NIPSNAP2: variants seen among roughly 807,000 people sequenced by gnomAD.
NIPSNAP2 encodes the protein nipsnap homolog 2.
In NIPSNAP2, 42 loss-of-function variants were observed where a neutral mutation model predicts 48.4. The ratio of observed to expected loss-of-function variants is 0.87; its 90% CI spans 0.68 to 1.12. The LOEUF is 1.12. Among genes scored for constraint, NIPSNAP2 ranks in the 50% most tolerant of loss-of-function variants. The pLI, the probability that NIPSNAP2 is intolerant of heterozygous loss-of-function variation, is 0.00. For missense variants in NIPSNAP2, 314 were observed against 347.3 expected (o/e 0.90, Z 0.76); for synonymous variants, 158 against 126.6 (o/e 1.25, Z -1.67).
In NIPSNAP2 at chr7:55,994,929, A is replaced by G; in HGVS notation, c.653A>G (p.Glu218Gly). Residue 218 changes from glutamate to glycine, a missense_variant, in exon 8 of 10, where the codon GAA becomes GGA. Glu to Gly is a moderately conservative substitution (Grantham distance 98). Transcript: ENST00000322090. ...RAIRFRQDGN[E>G]AVGGFFSQIG... ...ATCCGCTTCAGACAGGATGGTAACG[A>G]AGCCGTCGGAGGATTCTTCTCTCAG... The G allele has an allele frequency of 6.2e-7, 1 of 1,614,194 alleles. No homozygotes were observed. Among genetic ancestry groups the G allele is most frequent in the African/African-American group, 1.3e-5 (1 of 75,054 alleles).
chr7:55,995,125 G>T (rs148446589), intron 8 of NIPSNAP2, 137 bp downstream of exon 8: 4 of 704,740 alleles, frequency 5.7e-6, no homozygotes, highest in Non-Finnish European at 1.0e-5. Flanking sequence ...AGTCTGTACG[G>T]GGCTGTCTGG....
intron 3 of NIPSNAP2, chr7:55,979,821 A>G (rs1206420577): frequency 1.1e-5 from 5 of 456,522 alleles, no homozygotes; most frequent in South Asian, 6.2e-5. Context: ...GGTCCCAATA[A>G]TGGGATTCTG....
chr7:55,998,493 G>GTTTTTTTTTTTTTTTT (rs1164855630), intron 9 of NIPSNAP2, among the ~76,000 whole-genome samples: 9 of 63,196 alleles, frequency 1.4e-4, no homozygotes, highest in African/African-American at 4.6e-4. Flanking sequence ...GGTAGGATCT[G>GTTTTTTTTTTTTTTTT]TTTTTTTTTT....
At chr7:55,998,179 C>T (rs577285743) in intron 9 of NIPSNAP2, among the ~76,000 whole-genome samples, 10 of 151,734 alleles carry the variant, frequency 6.6e-5, no homozygotes, top group East Asian at 2.0e-4. Context: ...GCAGGAGAAT[C>T]GCTTGAACCT....
intron 1 of NIPSNAP2, among the ~76,000 whole-genome samples, chr7:55,976,630 A>G (rs1047850886): frequency 6.6e-6 from 1 of 152,232 alleles, no homozygotes; most frequent in African/African-American, 2.4e-5. Context: ...TTACACCTAT[A>G]ATCCCAGCAC....
In NIPSNAP2 at chr7:55,997,389, G is replaced by T; in HGVS notation, c.736G>T (p.Glu246Ter). 6.2e-7 allele frequency: 1 copy of T among 1,613,892 alleles called. No individual in the cohort carries two copies. Among genetic ancestry groups the T allele is most frequent in the Non-Finnish European group, 8.5e-7 (1 of 1,179,832 alleles). ...AGCTTACAGGGATCTTCAGACCAGG[G>T]AAGACATACGGAATGCAGCATGGCA... is the stretch of plus-strand genomic sequence containing the variant. ...LWAYRDLQTR[E>*]DIRNAAWHKH... The change falls in exon 9 of 10, where the codon GAA becomes TAA. Residue 246 changes from glutamate (E) to a stop codon, truncating the protein, a stop_gained. Transcript: ENST00000322090. LOFTEE classifies it high-confidence loss of function.
In NIPSNAP2 at chr7:55,994,983, T is replaced by C; in HGVS notation, c.707T>C (p.Leu236Pro). The C allele has an allele frequency of 1.9e-6, 3 of 1,613,620 alleles. No homozygotes were observed. Among genetic ancestry groups the C allele is most frequent in the Non-Finnish European group, 2.5e-6 (3 of 1,179,508 alleles). Residue 236 changes from leucine to proline, a missense_variant, in exon 8 of 10, where the codon CTT becomes CCT. Transcript: ENST00000322090. ...QIGQLYMVHH[L>P]WAYRDLQTRE... ...GGGCAGCTGTACATGGTGCACCATC[T>C]TTGGGGTATCTGTTTTTCCCTTTTC...
chr7:55,976,302 A>G (rs1234840717), intron 1 of NIPSNAP2, among the ~76,000 whole-genome samples: 1 of 152,164 alleles, frequency 6.6e-6, no homozygotes, highest in Admixed American at 6.5e-5. Flanking sequence ...ATATTTTCTG[A>G]CGGGGAGTAT....
chr7:55,974,260 A>AG (rs762414095), intron 1 of NIPSNAP2, among the ~76,000 whole-genome samples: 1 of 64,314 alleles, frequency 1.6e-5, no homozygotes, highest in Non-Finnish European at 3.6e-5. Context: ...TTTTTAAGCA[A>AG]AAAAAAAGAA....
At chr7:55,964,787 C>A in intron 1 of NIPSNAP2, 86 bp downstream of exon 1, 1 of 641,998 alleles carries the variant, frequency 1.6e-6, no homozygotes, top group South Asian at 7.3e-5. Flanking sequence ...CGGTCTCCGC[C>A]CCGGCCCTGT....
At position 55,993,472 on chromosome 7, in the gene NIPSNAP2, G is replaced by A. The variant is rs1337117656; in HGVS notation, c.618-1422G>A. 2.6e-5 allele frequency among the ~76,000 whole-genome samples: 4 copies of A among 151,778 alleles called. No homozygotes were observed. The East Asian group carries it at 5.8e-4, about 22-fold the overall frequency. ...TGGGCGCCTGTAATCCCAGCTACTC[G>A]GGAGGTTGAGGCAGGAAAATCGCTT... On this transcript the variant is annotated intron_variant, in intron 7 of 9. Coordinates refer to ENST00000322090, the MANE Select transcript of NIPSNAP2 (RefSeq NM_001483.3).
At chr7:55,997,254 A>T in intron 8 of NIPSNAP2, 112 bp from the exon 9 acceptor site, 1 of 758,838 alleles carries the variant, frequency 1.3e-6, no homozygotes, top group Non-Finnish European at 2.3e-6. Flanking sequence ...ACACACCTGA[A>T]GTAGTCCCTG....
intron 1 of NIPSNAP2, 55 bp from the exon 2 acceptor site, chr7:55,978,071 C>G: frequency 5.7e-6 from 9 of 1,590,672 alleles, no homozygotes; most frequent in Non-Finnish European, 7.7e-6. Flanking sequence ...GCCAGATTAA[C>G]TGATGGATAT....
chr7:55,986,671 A>T (rs1787334564), intron 7 of NIPSNAP2, among the ~76,000 whole-genome samples: 1 of 151,926 alleles, frequency 6.6e-6, no homozygotes, highest in South Asian at 2.1e-4. Flanking sequence ...CAAAACAAAA[A>T]ATTGCCTTAC....
chr7:55,997,764 T>C (rs1787592811), intron 9 of NIPSNAP2, among the ~76,000 whole-genome samples: 2 of 152,180 alleles, frequency 1.3e-5, no homozygotes, highest in Non-Finnish European at 2.9e-5. Context: ...ACAAATAAAA[T>C]TTTTTTCTAA....
chr7:55,978,542 T>C (rs1787149926), intron 3 of NIPSNAP2, 147 bp downstream of exon 3: 8 of 744,714 alleles, frequency 1.1e-5, no homozygotes, highest in Middle Eastern at 3.9e-4. Context: ...CTGAGCTTCA[T>C]GTGGGATTGC....
At position 56,000,114 on chromosome 7, in the gene NIPSNAP2, C is replaced by CT. The variant is rs1251459820; in HGVS notation, c.*1046dup. 6.6e-6 allele frequency: 1 copy of CT among 152,576 alleles called. No individual in the cohort carries two copies. Among genetic ancestry groups the CT allele is most frequent in the African/African-American group, 2.4e-5 (1 of 41,432 alleles). The allele number at this position is 152,576 out of a possible 1,614,324, so 9.5% of individuals were successfully genotyped here. ...AATAAATCTCATATCAAATGTCAAA[C>CT]TTTTACATGTGAATGATTTTCTCAA... is the stretch of plus-strand genomic sequence containing the variant. On this transcript the variant is annotated 3_prime_UTR_variant, in exon 10 of 10. Transcript: ENST00000322090.
At chr7:55,975,306 T>C (rs1447547543) in intron 1 of NIPSNAP2, among the ~76,000 whole-genome samples, 4 of 151,968 alleles carry the variant, frequency 2.6e-5, no homozygotes, top group Non-Finnish European at 5.9e-5. Flanking sequence ...TGAGCCGTGA[T>C]CACACCAGTG....
intron 1 of NIPSNAP2, among the ~76,000 whole-genome samples, chr7:55,970,575 GT>G (rs1786998672): frequency 6.6e-6 from 1 of 152,080 alleles, no homozygotes; most frequent in African/African-American, 2.4e-5. Context: ...GCCTCTCAAA[GT>G]GCTGGGATTA....
Sources: gnomAD v4.1 joint callset for allele counts (sites outside exome capture counted in the v4.1 genomes callset) on GRCh38, gnomAD v4.1.1 for gene constraint, MANE v1.5 for transcripts, NCBI Gene and HGNC (gene_info 2026-07-23, HGNC 2026-07-21) for gene names.